Variants in PCDHGB3 observed in about 807,000 individuals in gnomAD.
The protein encoded by PCDHGB3 is protocadherin gamma subfamily B, 3.
PCDHGB3 carries 40 observed loss-of-function variants against 59.2 expected under a neutral mutation model. That is an observed-to-expected ratio of 0.68 (90% CI 0.52 to 0.88). PCDHGB3 has a LOEUF of 0.88. Ranked by LOEUF, PCDHGB3 falls within the 40% of genes least tolerant of loss-of-function variation. The pLI is 0.00. For synonymous variants in PCDHGB3, 581 were observed against 503.6 expected (o/e 1.15, Z -2.06); for missense variants, 1,309 against 1,187.9 (o/e 1.10, Z -1.50).
intron 1 of PCDHGB3, among the ~76,000 whole-genome samples, chr5:141,473,785 A>G (rs1240342191): frequency 6.6e-6 from 1 of 152,226 alleles, no homozygotes; most frequent in Non-Finnish European, 1.5e-5. Context: ...TTAATTCAAG[A>G]GCAGTATGAT....
chr5:141,400,194 G>T (rs2093978875), intron 1 of PCDHGB3: 2 of 1,614,034 alleles, frequency 1.2e-6, no homozygotes, highest in Non-Finnish European at 1.7e-6. Flanking sequence ...TTTACCTAGT[G>T]GTGGCCTTGG....
rs750164473 is a variant in PCDHGB3 at position 141,432,286 on chromosome 5, C to G, written c.2415+59477C>G. Reference sequence around the variant, plus strand: ...TATCGTCCTACGTGTCCATCAACTCCGACACTGGGGTACTGTATGCGCTGA... The same window carrying G: ...TATCGTCCTACGTGTCCATCAACTCGGACACTGGGGTACTGTATGCGCTGA... On this transcript the variant is annotated intron_variant, in intron 1 of 3. Transcript: ENST00000576222. This position sits in a 1 kb window ranked among gnomAD's most constrained non-coding sequence, Gnocchi z 6.0. The G allele has an allele frequency of 6.2e-7, 1 of 1,614,252 alleles. No homozygotes were observed. The highest frequency in any genetic ancestry group is 1.3e-5 in the African/African-American group (1 of 75,070).
intron 1 of PCDHGB3, among the ~76,000 whole-genome samples, chr5:141,380,738 A>G (rs1282676783): frequency 6.6e-6 from 1 of 152,220 alleles, no homozygotes; most frequent in Non-Finnish European, 1.5e-5. Context: ...CTTTTCTCCA[A>G]AGAAGGTACC....
In PCDHGB3 at chr5:141,492,559, C is replaced by A. The variant is rs533830391; in HGVS notation, c.2416-2248C>A. ...GGGCTGGGCCGGGTCGCCTGGGGGG[C>A]GGCCTGAGCGAGGCGCGGGGCCAGG... On this transcript the variant is annotated intron_variant, in intron 1 of 3. Coordinates refer to ENST00000576222, the MANE Select transcript of PCDHGB3 (RefSeq NM_018924.5). 2.6e-5 allele frequency among the ~76,000 whole-genome samples: 4 copies of A among 152,292 alleles called. No individual in the cohort carries two copies. The East Asian group carries it at 7.7e-4, about 29-fold the overall frequency.
At position 141,491,039 on chromosome 5, in the gene PCDHGB3, G is replaced by T; in HGVS notation, c.2416-3768G>T. 1 of 1,614,180 alleles carries T rather than the reference G, an allele frequency of 6.2e-7. No individual in the cohort carries two copies. The highest frequency in any genetic ancestry group is 1.1e-5 in the South Asian group (1 of 91,090). ...GTGACAGCCGTGGATGCTGATGCAGGCCACAATGCGTGGCTCTCCTACTCA... is the reference window on the plus strand; with the variant it reads ...GTGACAGCCGTGGATGCTGATGCAGTCCACAATGCGTGGCTCTCCTACTCA... On this transcript the variant is annotated intron_variant, in intron 1 of 3. Transcript: ENST00000576222. The surrounding 1 kb of genome is among the most constrained non-coding windows in gnomAD (Gnocchi z 6.9).
intron 1 of PCDHGB3, chr5:141,399,976 C>CTGCGCACAGGAGAGG: frequency 1.2e-6 from 2 of 1,612,242 alleles, no homozygotes; most frequent in Non-Finnish European, 1.7e-6. Flanking sequence ...CAGCCTGGGG[C>CTGCGCACAGGAGAGG]TGCGCACAGG....
In PCDHGB3 at chr5:141,491,354, C is replaced by T. The variant is rs2099710960; in HGVS notation, c.2416-3453C>T. The T allele has an allele frequency of 6.2e-7, 1 of 1,614,166 alleles. No homozygotes were observed. Among genetic ancestry groups the T allele is most frequent in the South Asian group, 1.1e-5 (1 of 91,088 alleles). On this transcript the variant is annotated intron_variant, in intron 1 of 3. Coordinates refer to ENST00000576222, the MANE Select transcript of PCDHGB3 (RefSeq NM_018924.5). This position sits in a 1 kb window ranked among gnomAD's most constrained non-coding sequence, Gnocchi z 6.9. ...GCTCTAGCGACCGTCAGTCTCTTAT[C>T]CCTAGTCACCTTCACCTTTCTGTCA...
At position 141,511,076 on chromosome 5, in the gene PCDHGB3, A is replaced by G. The variant is rs201009079; in HGVS notation, c.2693A>G (p.Asn898Ser). 19 of 1,614,218 alleles carry G rather than the reference A, an allele frequency of 1.2e-5. No individual in the cohort carries two copies. In the East Asian group the frequency reaches 3.6e-4, roughly 30 times the overall value. ...CAGAATGTCTACATCCCAGGCAGCA[A>G]TGCCACACTGACCAACGCAGCTGGC... ...YRQNVYIPGS[N>S]ATLTNAAGKR... Residue 898 changes from asparagine (N) to serine (S), a missense_variant, in exon 4 of 4, where the codon AAT (asparagine) becomes AGT (serine). Coordinates refer to ENST00000576222, the MANE Select transcript of PCDHGB3 (RefSeq NM_018924.5).
chr5:141,423,569 T>A, intron 1 of PCDHGB3: 2 of 1,613,480 alleles, frequency 1.2e-6, no homozygotes, highest in Non-Finnish European at 1.7e-6. Context: ...GACACGCTCA[T>A]CAGCCAGGAG....
intron 1 of PCDHGB3, among the ~76,000 whole-genome samples, chr5:141,462,269 T>C (rs2099036247): frequency 6.6e-6 from 1 of 152,230 alleles, no homozygotes; most frequent in Admixed American, 6.5e-5. Context: ...CTAAAGTGTA[T>C]TGTTTAGTCA....
rs3074541 is a variant in PCDHGB3 at position 141,433,358 on chromosome 5, CCTATCTATCTATCTATCTATCTAT to C, written c.2415+60574_2415+60597del. 6 of 503,934 alleles carry C rather than the reference CCTATCTATCTATCTATCTATCTAT, an allele frequency of 1.2e-5. No homozygotes were observed. In the Admixed American group the frequency reaches 1.5e-4, roughly 12 times the overall value. The allele number at this position is 503,934 out of a possible 1,614,324, so 31.2% of individuals were successfully genotyped here. ...ACAGGTGCAAGCCACCTACTGTCTG[CCTATCTATCTATCTATCTATCTAT>C]CTATCTATCTATCTATCTATCTATT... On this transcript the variant is annotated intron_variant, in intron 1 of 3. Transcript: ENST00000576222.
chr5:141,438,619 TATATATATATATATATACACAC>T (rs1408639052), intron 1 of PCDHGB3, among the ~76,000 whole-genome samples: 61 of 39,666 alleles, frequency 1.5e-3, no homozygotes, highest in African/African-American at 9.2e-3. Context: ...TATATATATA[TATATATATATATATATACACAC>T]ACACACACAC....
At chr5:141,389,394 T>C (rs753490190) in intron 1 of PCDHGB3, 2 of 1,613,672 alleles carry the variant, frequency 1.2e-6, no homozygotes, top group South Asian at 2.2e-5. Flanking sequence ...ATCCTACGTG[T>C]CCATAAGCGC....
chr5:141,400,254 G>C, intron 1 of PCDHGB3: 1 of 1,613,980 alleles, frequency 6.2e-7, no homozygotes. Flanking sequence ...CCGTTGCCTT[G>C]CGCCTGCGAC....
At position 141,432,552 on chromosome 5, in the gene PCDHGB3, C is replaced by G. The variant is rs1181931321; in HGVS notation, c.2415+59743C>G. ...AAGGTGGTGGCGGTGGACAGAGACT[C>G]CGGCCAGAACGCCTGGCTGTCCTAC... On this transcript the variant is annotated intron_variant, in intron 1 of 3. Coordinates refer to ENST00000576222, the MANE Select transcript of PCDHGB3 (RefSeq NM_018924.5). The surrounding 1 kb of genome is among the most constrained non-coding windows in gnomAD (Gnocchi z 6.0). The G allele has an allele frequency of 6.2e-7, 1 of 1,613,970 alleles. No homozygotes were observed. The highest frequency in any genetic ancestry group is 1.1e-5 in the South Asian group (1 of 91,064).
chr5:141,414,251 C>T, intron 1 of PCDHGB3: 3 of 1,613,346 alleles, frequency 1.9e-6, no homozygotes, highest in Non-Finnish European at 2.5e-6. Context: ...CTATTTAGTC[C>T]AGTGACTGAA....
chr5:141,390,097 C>T, intron 1 of PCDHGB3: 1 of 1,614,026 alleles, frequency 6.2e-7, no homozygotes, highest in Non-Finnish European at 8.5e-7. Context: ...TCCGTGGTTC[C>T]CCCCAACTAC....
intron 1 of PCDHGB3, chr5:141,418,453 G>T (rs2096259626): frequency 1.2e-6 from 2 of 1,614,060 alleles, no homozygotes; most frequent in East Asian, 4.5e-5. Flanking sequence ...TATTGCAGAA[G>T]ACTCTGGACC....
intron 1 of PCDHGB3, chr5:141,376,291 C>G (rs780024608): frequency 6.2e-6 from 10 of 1,614,040 alleles, no homozygotes; most frequent in South Asian, 1.1e-5. Flanking sequence ...CGAGCATGCC[C>G]GGCTCGCACT....
Sources: gnomAD v4.1 joint callset for allele counts (sites outside exome capture counted in the v4.1 genomes callset) on GRCh38, gnomAD v4.1.1 for gene constraint, Gnocchi (gnomAD v3.1) non-coding constraint, MANE v1.5 for transcripts, NCBI Gene and HGNC (gene_info 2026-07-23, HGNC 2026-07-21) for gene names.